The following ELMO1 variants were observed in gnomAD, a reference collection of about 807,000 sequenced individuals.
The protein encoded by ELMO1 is engulfment and cell motility 1.
A neutral mutation model predicts 98.9 loss-of-function variants in ELMO1; 26 were observed. That is an observed-to-expected ratio of 0.26 (90% confidence interval 0.19 to 0.36). The LOEUF (loss-of-function observed/expected upper bound fraction) is 0.36, where lower values mean the gene tolerates loss of function less well. ELMO1 is among the 10% of genes least tolerant of loss of function. ELMO1 has a pLI of 1.00. For missense variants in ELMO1, 627 were observed against 935.2 expected (o/e 0.67, Z 4.30); for synonymous variants, 346 against 346.0 (o/e 1.00, Z 0.00).
In ELMO1 at chr7:37,267,837, G is replaced by A. The variant is rs556697656; in HGVS notation, c.243+3995C>T. Among the ~76,000 whole-genome samples, 228 of 152,222 alleles carry A rather than the reference G, an allele frequency of 1.5e-3. 1 individual carries two copies. The highest frequency in any genetic ancestry group is 5.3e-3 in the African/African-American group (221 of 41,538). On this transcript the variant is annotated intron_variant, in intron 5 of 21. Transcript: ENST00000310758. ...AAAAAATCTTGCAAATGAATGAACCGGACCTCCATTATGCAGCTGTCAATT... is the reference window on the plus strand; with the variant it reads ...AAAAAATCTTGCAAATGAATGAACCAGACCTCCATTATGCAGCTGTCAATT...
At chr7:37,177,955 A>G (rs1790584638) in intron 13 of ELMO1, among the ~76,000 whole-genome samples, 1 of 152,192 alleles carries the variant, frequency 6.6e-6, no homozygotes, top group Non-Finnish European at 1.5e-5. Context: ...CAGCCAATGC[A>G]TGATTCAGGA....
chr7:37,308,123 ATAAT>A (rs963295843), intron 4 of ELMO1, among the ~76,000 whole-genome samples: 4 of 151,986 alleles, frequency 2.6e-5, no homozygotes, highest in African/African-American at 9.7e-5. Context: ...AAATAAATAA[ATAAT>A]TAATTAATTA....
intron 16 of ELMO1, among the ~76,000 whole-genome samples, chr7:36,961,616 C>G (rs1788958338): frequency 6.6e-6 from 1 of 152,200 alleles, no homozygotes; most frequent in Non-Finnish European, 1.5e-5. Flanking sequence ...ATGGAAACAT[C>G]TAACTGCTCA....
intron 13 of ELMO1, among the ~76,000 whole-genome samples, chr7:37,182,520 G>C (rs1790942417): frequency 7.3e-6 from 1 of 136,400 alleles, no homozygotes; most frequent in African/African-American, 2.8e-5. Flanking sequence ...GCCCACGCTG[G>C]AGTGCAATGG....
intron 2 of ELMO1, among the ~76,000 whole-genome samples, chr7:37,326,358 C>A (rs1057056878): frequency 6.6e-6 from 1 of 152,012 alleles, no homozygotes; most frequent in Non-Finnish European, 1.5e-5. Context: ...AGTTCGAGAC[C>A]AGCCTGGCCC....
intron 15 of ELMO1, among the ~76,000 whole-genome samples, chr7:37,023,478 A>T (rs1196488878): frequency 6.6e-6 from 1 of 152,134 alleles, no homozygotes; most frequent in Non-Finnish European, 1.5e-5. Flanking sequence ...AAAACTACAT[A>T]ACTGGTTTAT....
intron 15 of ELMO1, among the ~76,000 whole-genome samples, chr7:37,075,237 C>T (rs966968611): frequency 6.6e-6 from 1 of 151,500 alleles, no homozygotes; most frequent in African/African-American, 2.4e-5. Context: ...AGCTCTGCCT[C>T]CCGGGTTCAT....
intron 16 of ELMO1, among the ~76,000 whole-genome samples, chr7:36,908,382 G>A (rs557115888): frequency 3.3e-4 from 51 of 152,244 alleles, no homozygotes; most frequent in Middle Eastern, 3.4e-3. Flanking sequence ...AACTTTCTTA[G>A]AATTATAATT....
intron 4 of ELMO1, among the ~76,000 whole-genome samples, chr7:37,312,590 G>T (rs889679105): frequency 2.0e-5 from 3 of 152,140 alleles, no homozygotes; most frequent in African/African-American, 7.2e-5. Flanking sequence ...CTGAGTCTCT[G>T]GGGTTGGGAT....
At chr7:36,996,887 G>T (rs1390209924) in intron 16 of ELMO1, among the ~76,000 whole-genome samples, 1 of 152,202 alleles carries the variant, frequency 6.6e-6, no homozygotes, top group Non-Finnish European at 1.5e-5. Flanking sequence ...TAGGAGGTGT[G>T]CTGCTAGACG....
At position 36,910,774 on chromosome 7, in the gene ELMO1, T is replaced by C. The variant is rs556035859; in HGVS notation, c.1438-15757A>G. Among the ~76,000 whole-genome samples, 8 of 152,296 alleles carry C rather than the reference T, an allele frequency of 5.3e-5. No homozygotes were observed. In the South Asian group the frequency reaches 1.7e-3, roughly 32 times the overall value. Reference sequence around the variant, plus strand: ...AAACGATGGCTGGAAATGCAAGATCTTAGAGCAGACGAATGAAGCTATACA... The same window carrying C: ...AAACGATGGCTGGAAATGCAAGATCCTAGAGCAGACGAATGAAGCTATACA... On this transcript the variant is annotated intron_variant, in intron 16 of 21. Coordinates refer to ENST00000310758, the MANE Select transcript of ELMO1 (RefSeq NM_014800.11).
chr7:37,040,913 C>A (rs938309252), intron 15 of ELMO1, among the ~76,000 whole-genome samples: 1 of 151,842 alleles, frequency 6.6e-6, no homozygotes, highest in Admixed American at 6.6e-5. Context: ...CCCGTCTCTA[C>A]TAAAAATACA....
At chr7:37,025,570 A>G (rs367780964) in intron 15 of ELMO1, among the ~76,000 whole-genome samples, 94 of 152,270 alleles carry the variant, frequency 6.2e-4, no homozygotes, top group African/African-American at 2.1e-3. Context: ...GGTGGAGGAA[A>G]GAGGAACTTA....
chr7:37,167,689 A>G (rs886935670), intron 13 of ELMO1, among the ~76,000 whole-genome samples: 5 of 152,212 alleles, frequency 3.3e-5, no homozygotes, highest in South Asian at 2.1e-4. Flanking sequence ...TGGCTTGTAG[A>G]GTTTCTGCCG....
intron 9 of ELMO1, among the ~76,000 whole-genome samples, chr7:37,223,716 T>C (rs575269074): frequency 7.7e-4 from 118 of 152,332 alleles, no homozygotes; most frequent in African/African-American, 2.8e-3. Flanking sequence ...CCTTACATTA[T>C]CATCATTTTG....
At chr7:36,909,581 T>C (rs918240803) in intron 16 of ELMO1, among the ~76,000 whole-genome samples, 1 of 152,250 alleles carries the variant, frequency 6.6e-6, no homozygotes, top group African/African-American at 2.4e-5. Flanking sequence ...TGGTTCTTTT[T>C]TCGTGTGTGT....
chr7:36,858,118 T>C (rs903482879), intron 21 of ELMO1, among the ~76,000 whole-genome samples: 9 of 152,240 alleles, frequency 5.9e-5, no homozygotes, highest in African/African-American at 9.6e-5. Context: ...GCTTACTATT[T>C]TGAAAACTGG....
At chr7:37,375,400 C>A (rs980100461) in intron 1 of ELMO1, 2 of 596,564 alleles carry the variant, frequency 3.4e-6, no homozygotes, top group African/African-American at 3.7e-5. Flanking sequence ...AGAATTCAGG[C>A]CCCTCCCATA....
chr7:37,280,408 A>C (rs62459328), intron 4 of ELMO1, among the ~76,000 whole-genome samples: 4,012 of 152,334 alleles, frequency 0.026, 70 homozygotes, highest in Non-Finnish European at 0.044. Context: ...CAGCAGAGTA[A>C]ACAGACAACC....
Sources: gnomAD v4.1 joint callset for allele counts (sites outside exome capture counted in the v4.1 genomes callset) on GRCh38, gnomAD v4.1.1 for gene constraint, MANE v1.5 for transcripts, NCBI Gene and HGNC (gene_info 2026-07-23, HGNC 2026-07-21) for gene names.